Variants in LIPK observed in about 807,000 individuals in gnomAD.
LIPK encodes the protein lipase member K.
LIPK carries 32 observed loss-of-function variants against 48.6 expected under a neutral mutation model. That is an observed-to-expected ratio of 0.66 (90% confidence interval 0.50 to 0.88). The LOEUF is 0.88. Among genes scored for constraint, LIPK ranks in the 40% least tolerant of loss-of-function variants. The pLI, the probability that LIPK is intolerant of heterozygous loss-of-function variation, is 0.00. For missense variants in LIPK, 507 were observed against 478.5 expected (o/e 1.06, Z -0.56); for synonymous variants, 164 against 157.4 (o/e 1.04, Z -0.32).
chr10:88,737,532 C>A, intron 6 of LIPK, 103 bp from the exon 7 acceptor site: 1 of 1,152,330 alleles, frequency 8.7e-7, no homozygotes, highest in South Asian at 1.5e-5. Context: ...CAACACTGAG[C>A]AGATGTCACC....
chr10:88,727,840 C>A (rs1353486231), intron 3 of LIPK: 2 of 361,900 alleles, frequency 5.5e-6, no homozygotes, highest in Non-Finnish European at 1.1e-5. Context: ...AGTTTGCCTC[C>A]TTCATTGACA....
intron 8 of LIPK, 62 bp downstream of exon 8, chr10:88,740,129 C>G: frequency 7.7e-7 from 1 of 1,292,616 alleles, no homozygotes; most frequent in South Asian, 1.4e-5. Flanking sequence ...AAGAAGTGCT[C>G]TCAGAGAGCT....
chr10:88,712,753 A>T (rs303504), intron 1 of LIPK, among the ~76,000 whole-genome samples: 119,283 of 152,150 alleles, frequency 0.78, 47,731 homozygotes, highest in East Asian at 1. Flanking sequence ...TTCAGAGAAC[A>T]GTCCTATTTA....
chr10:88,750,194 C>T (rs544801071), intron 9 of LIPK, among the ~76,000 whole-genome samples: 2 of 152,222 alleles, frequency 1.3e-5, no homozygotes, highest in African/African-American at 4.8e-5. Flanking sequence ...AATGGTCATA[C>T]ACCACTGGTG....
chr10:88,732,143 G>A, intron 4 of LIPK, 35 bp from the exon 5 acceptor site: 1 of 1,414,552 alleles, frequency 7.1e-7, no homozygotes, highest in Non-Finnish European at 9.9e-7. Flanking sequence ...ACAATGAGAT[G>A]ACTTTTCTAA....
At chr10:88,710,967 T>G (rs560125321) in intron 1 of LIPK, among the ~76,000 whole-genome samples, 3 of 152,250 alleles carry the variant, frequency 2.0e-5, no homozygotes, top group Non-Finnish European at 2.9e-5. Flanking sequence ...TCCCCAACAT[T>G]TGGTGCAGTT....
intron 1 of LIPK, among the ~76,000 whole-genome samples, chr10:88,722,231 G>A (rs973811206): frequency 6.6e-6 from 1 of 152,184 alleles, no homozygotes; most frequent in African/African-American, 2.4e-5. Flanking sequence ...GAAGACAGAT[G>A]TTGCAGTGAG....
rs532436699 is a variant in LIPK at position 88,745,688 on chromosome 10, T to G, written c.960+2367T>G. On this transcript the variant is annotated intron_variant, in intron 9 of 9. Transcript: ENST00000404190. ...TACTACAAAAGCACACTTAAATACA[T>G]AGACCGTTGACACTAGAAAGCAGCT... Among the ~76,000 whole-genome samples the G allele has an allele frequency of 2.5e-3, 387 of 152,232 alleles. 1 individual carries two copies. Among genetic ancestry groups the G allele is most frequent in the African/African-American group, 9.1e-3 (376 of 41,538 alleles).
chr10:88,719,137 G>A (rs928790874), intron 1 of LIPK, among the ~76,000 whole-genome samples: 3 of 152,104 alleles, frequency 2.0e-5, no homozygotes, highest in African/African-American at 7.2e-5. Flanking sequence ...TAGAAGACAT[G>A]GTATAACAAG....
intron 1 of LIPK, among the ~76,000 whole-genome samples, chr10:88,722,887 T>A (rs889556294): frequency 1.1e-5 from 1 of 87,166 alleles, no homozygotes; most frequent in Non-Finnish European, 2.0e-5. Flanking sequence ...CTTTTCTTTT[T>A]TCTTTTTTTT....
chr10:88,734,386 A>C (rs565330609), intron 6 of LIPK, among the ~76,000 whole-genome samples: 1 of 152,322 alleles, frequency 6.6e-6, no homozygotes, highest in South Asian at 2.1e-4. Context: ...ACCACACATA[A>C]CTCACTTTAC....
chr10:88,728,829 C>G (rs541598108), intron 3 of LIPK: 1 of 174,152 alleles, frequency 5.7e-6, no homozygotes, highest in East Asian at 1.8e-4. Context: ...TTCAGCCGCA[C>G]CAGCTCCTGC....
chr10:88,746,644 T>C (rs1842770662), intron 9 of LIPK, among the ~76,000 whole-genome samples: 1 of 152,156 alleles, frequency 6.6e-6, no homozygotes, highest in Non-Finnish European at 1.5e-5. Context: ...CTTATAGTGC[T>C]AAACATCCAC....
At chr10:88,732,599 A>G (rs11202833) in intron 6 of LIPK, 48 bp downstream of exon 6, 130,745 of 1,530,136 alleles carry the variant, frequency 0.085, 6,492 homozygotes, top group African/African-American at 0.22. Context: ...AAGTAGCTCT[A>G]TTTCCATTGA....
intron 1 of LIPK, among the ~76,000 whole-genome samples, chr10:88,722,325 T>G (rs1401199148): frequency 6.6e-6 from 1 of 152,188 alleles, no homozygotes; most frequent in Non-Finnish European, 1.5e-5. Flanking sequence ...AACATATTCA[T>G]GTACTCCTTC....
rs193187272 is a variant in LIPK at position 88,748,474 on chromosome 10, G to T, written c.961-4043G>T. Among the ~76,000 whole-genome samples the T allele has an allele frequency of 8.9e-4, 136 of 152,068 alleles. 1 individual carries two copies. In the East Asian group the frequency reaches 0.014, roughly 15 times the overall value. On this transcript the variant is annotated intron_variant, in intron 9 of 9. Transcript: ENST00000404190. ...TCTATTAAAAATACAAAAATTAGCTGGGTGTGGTGGCAGGCACCTGTAATT... is the reference window on the plus strand; with the variant it reads ...TCTATTAAAAATACAAAAATTAGCTTGGTGTGGTGGCAGGCACCTGTAATT...
intron 3 of LIPK, chr10:88,727,929 C>T: frequency 5.5e-6 from 2 of 361,460 alleles, no homozygotes; most frequent in Non-Finnish European, 1.1e-5. Context: ...GCTGGGAGAA[C>T]GTGGACAACA....
intron 9 of LIPK, among the ~76,000 whole-genome samples, chr10:88,750,927 CA>C (rs1842852434): frequency 6.6e-6 from 1 of 152,040 alleles, no homozygotes; most frequent in Admixed American, 6.6e-5. Flanking sequence ...AACAAACAAA[CA>C]AAAAACATGT....
chr10:88,722,266 G>C (rs1469970653), intron 1 of LIPK, among the ~76,000 whole-genome samples: 1 of 152,118 alleles, frequency 6.6e-6, no homozygotes, highest in Non-Finnish European at 1.5e-5. Context: ...TTATACTCCA[G>C]CCTGGGCAAC....
Sources: gnomAD v4.1 joint callset for allele counts (sites outside exome capture counted in the v4.1 genomes callset) on GRCh38, gnomAD v4.1.1 for gene constraint, MANE v1.5 for transcripts, NCBI Gene and HGNC (gene_info 2026-07-23, HGNC 2026-07-21) for gene names.